Variants in HADHA observed in about 807,000 individuals in gnomAD.
HADHA encodes the protein hydroxyacyl-CoA dehydrogenase trifunctional multienzyme complex subunit alpha, also known as trifunctional enzyme subunit alpha, mitochondrial.
In HADHA, 59 loss-of-function variants were observed where a neutral mutation model predicts 91.3. The ratio of observed to expected loss-of-function variants is 0.65; its 90% CI spans 0.52 to 0.80. HADHA has a LOEUF of 0.80. Among genes scored for constraint, HADHA ranks in the 30% least tolerant of loss-of-function variants. The pLI is 0.00. For synonymous variants in HADHA, 320 were observed against 338.9 expected, an observed-to-expected ratio of 0.94 and a Z score of 0.61; for missense variants, 800 against 927.6, an observed-to-expected ratio of 0.86 and a Z score of 1.79.
intron 7 of HADHA, among the ~76,000 whole-genome samples, chr2:26,215,388 C>CT (rs1670192142): frequency 1.3e-5 from 2 of 152,268 alleles, no homozygotes; most frequent in Admixed American, 6.5e-5. Context: ...AAAACGCGGT[C>CT]TTTAACTGTT....
Position 26,191,379 on chromosome 2 carries a change from C to A in HADHA, c.2163G>T (p.Val721=). ...CTATCTTCTGGGCGCCATACAGATC[C>A]ACAAAGCGGAAAGGCCCTGAATAGA... ...PPCLGGPFRF[V]DLYGAQKIVD... The change falls in exon 20 of 20, where the codon GTG becomes GTT. Residue 721 remains valine, a synonymous_variant. Transcript: ENST00000380649. 1 of 1,614,176 alleles carries A rather than the reference C, an allele frequency of 6.2e-7. No homozygotes were observed. Among genetic ancestry groups the A allele is most frequent in the South Asian group, 1.1e-5 (1 of 91,082 alleles).
intron 1 of HADHA, among the ~76,000 whole-genome samples, chr2:26,241,918 T>C (rs1460715622): frequency 6.6e-6 from 1 of 151,922 alleles, no homozygotes; most frequent in African/African-American, 2.4e-5. Context: ...TCCTTCAAGA[T>C]AATTTTTTTT....
At position 26,191,467 on chromosome 2, in the gene HADHA, A is replaced by G. The variant is rs145930159; in HGVS notation, c.2146+16T>C. ...CCAGGCTAAAGTGAGCTTCCTTCCC[A>G]ACCTGCGAGACCAACCTCCCAGACA... On this transcript the variant is annotated intron_variant, in intron 19 of 19. Coordinates refer to ENST00000380649, the MANE Select transcript of HADHA (RefSeq NM_000182.5). The G allele has an allele frequency of 5.2e-3, 8,458 of 1,614,162 alleles. 41 individuals are homozygous for G. The highest frequency in any genetic ancestry group is 5.6e-3 in the Admixed American group (339 of 60,018).
At chr2:26,192,709 T>G (rs1463117413) in intron 17 of HADHA, among the ~76,000 whole-genome samples, 3 of 151,944 alleles carry the variant, frequency 2.0e-5, no homozygotes, top group Non-Finnish European at 4.4e-5. Context: ...CACTCCAGCC[T>G]GGGCAACAGT....
intron 7 of HADHA, among the ~76,000 whole-genome samples, chr2:26,219,284 G>A (rs1013169052): frequency 6.6e-6 from 1 of 151,708 alleles, no homozygotes; most frequent in East Asian, 2.0e-4. Context: ...GTGCCACCAG[G>A]CCAGGCTAAT....
chr2:26,230,098 C>T (rs1484577245), intron 7 of HADHA, 94 bp downstream of exon 7: 5 of 780,002 alleles, frequency 6.4e-6, no homozygotes, highest in Non-Finnish European at 9.1e-6. Context: ...GCTGGGATTA[C>T]AGGTGTGAGC....
Position 26,197,758 on chromosome 2 carries a change from A to C in HADHA, c.1412T>G (p.Ile471Ser), listed in dbSNP as rs1410340351. 2 of 1,535,430 alleles carry C rather than the reference A, an allele frequency of 1.3e-6. No individual in the cohort carries two copies. The highest frequency in any genetic ancestry group is 2.2e-5 in the South Asian group (2 of 89,576). The change falls in exon 14 of 20, where the codon ATC becomes AGC. Residue 471 changes from isoleucine to serine, a missense_variant. Ile to Ser is a moderately radical substitution (Grantham distance 142, BLOSUM62 -2). Coordinates refer to ENST00000380649, the MANE Select transcript of HADHA (RefSeq NM_000182.5). ...GAGAGCAGATGTGTTACTGGCAAAG[A>C]TACAGTGATCTGGAATCACCTGCAG... ...EVEAVIPDHCIFASNTSALPI... is the reference protein window; with the variant it reads ...EVEAVIPDHCSFASNTSALPI...
At chr2:26,217,290 G>A (rs992379774) in intron 7 of HADHA, among the ~76,000 whole-genome samples, 13 of 152,198 alleles carry the variant, frequency 8.5e-5, no homozygotes, top group Middle Eastern at 6.8e-3. Flanking sequence ...CAGAATGAAA[G>A]AAGACCTAAA....
At chr2:26,196,697 C>G (rs766968320) in intron 14 of HADHA, among the ~76,000 whole-genome samples, 9 of 152,166 alleles carry the variant, frequency 5.9e-5, no homozygotes, top group Non-Finnish European at 5.9e-5. Context: ...AAAAGCTGTC[C>G]TAGATACTTG....
intron 1 of HADHA, chr2:26,243,208 C>T (rs1010471998): frequency 2.0e-5 from 3 of 152,224 alleles, no homozygotes; most frequent in Admixed American, 6.5e-5. Flanking sequence ...CGTGCCCTGG[C>T]TACCACTTCC....
intron 5 of HADHA, 91 bp downstream of exon 5, chr2:26,234,126 T>C: frequency 7.6e-7 from 1 of 1,310,332 alleles, no homozygotes; most frequent in Non-Finnish European, 1.1e-6. Context: ...CCAGAAACTT[T>C]TTCCAGGCAA....
At chr2:26,243,559 C>T (rs754893730) in intron 1 of HADHA, among the ~76,000 whole-genome samples, 18 of 151,854 alleles carry the variant, frequency 1.2e-4, no homozygotes, top group Non-Finnish European at 2.5e-4. Context: ...AAAAAAATCC[C>T]CTTACAGTAA....
At chr2:26,228,064 T>C (rs1191911898) in intron 7 of HADHA, among the ~76,000 whole-genome samples, 1 of 151,986 alleles carries the variant, frequency 6.6e-6, no homozygotes, top group East Asian at 1.9e-4. Context: ...AATATATATC[T>C]GTTATATGGA....
In HADHA at chr2:26,209,808, T is replaced by C; in HGVS notation, c.1057A>G (p.Lys353Glu). The change falls in exon 11 of 20, where the codon AAA becomes GAA. Residue 353 changes from lysine (K) to glutamate (E), a missense_variant. Coordinates refer to ENST00000380649, the MANE Select transcript of HADHA (RefSeq NM_000182.5). ...ACATCCTTCTGTGGAGCTCCAAATTTATTCTTCTTGCACAGGACCTGACCA... is the reference window on the plus strand; with the variant it reads ...ACATCCTTCTGTGGAGCTCCAAATTCATTCTTCTTGCACAGGACCTGACCA... ...YHGQVLCKKNKFGAPQKDVKH... is the reference protein window; with the variant it reads ...YHGQVLCKKNEFGAPQKDVKH... 1 of 1,591,292 alleles carries C rather than the reference T, an allele frequency of 6.3e-7. No homozygotes were observed. Among genetic ancestry groups the C allele is most frequent in the Non-Finnish European group, 8.6e-7 (1 of 1,159,242 alleles).
chr2:26,232,289 A>G lies in HADHA; in HGVS notation c.454-10T>C. Reference sequence around the variant, plus strand: ...GGCATGAAATGGCAACCTTTGAACAAATGAAAGAAAATTAGAATGTTAGAA... The same window carrying G: ...GGCATGAAATGGCAACCTTTGAACAGATGAAAGAAAATTAGAATGTTAGAA... On this transcript the variant is annotated splice_polypyrimidine_tract_variant and intron_variant, in intron 5 of 19. Coordinates refer to ENST00000380649, the MANE Select transcript of HADHA (RefSeq NM_000182.5). The G allele has an allele frequency of 6.3e-7, 1 of 1,583,944 alleles. No homozygotes were observed. Among genetic ancestry groups the G allele is most frequent in the Non-Finnish European group, 8.7e-7 (1 of 1,152,602 alleles).
intron 7 of HADHA, among the ~76,000 whole-genome samples, chr2:26,224,758 G>A (rs141892588): frequency 2.6e-3 from 396 of 152,280 alleles, no homozygotes; most frequent in Non-Finnish European, 4.5e-3. Context: ...CAGACAAGGG[G>A]TGGAGTATGA....
chr2:26,208,526 G>A (rs973032020), intron 11 of HADHA, among the ~76,000 whole-genome samples: 27 of 152,142 alleles, frequency 1.8e-4, no homozygotes, highest in African/African-American at 6.3e-4. Context: ...CATTCTTTGT[G>A]TACATGGAGG....
intron 14 of HADHA, among the ~76,000 whole-genome samples, chr2:26,196,463 CTGT>C (rs1669675995): frequency 6.6e-6 from 1 of 152,108 alleles, no homozygotes; most frequent in Non-Finnish European, 1.5e-5. Context: ...GTTTTGACAA[CTGT>C]ATATACATCC....
chr2:26,218,300 A>AG (rs1233725593), intron 7 of HADHA, among the ~76,000 whole-genome samples: 2 of 5,316 alleles, frequency 3.8e-4, no homozygotes, highest in Non-Finnish European at 6.7e-4. Context: ...ACTCTGTCTC[A>AG]AAAAAAAAAA....
Sources: gnomAD v4.1 joint callset for allele counts (sites outside exome capture counted in the v4.1 genomes callset) on GRCh38, gnomAD v4.1.1 for gene constraint, MANE v1.5 for transcripts, NCBI Gene and HGNC (gene_info 2026-07-23, HGNC 2026-07-21) for gene names.